NRXN1: variants seen among roughly 807,000 people sequenced by gnomAD.
NRXN1 encodes the protein neurexin-1.
A neutral mutation model predicts 150.9 loss-of-function variants in NRXN1; 39 were observed. That is an observed-to-expected ratio of 0.26 (90% confidence interval 0.20 to 0.34). The LOEUF (loss-of-function observed/expected upper bound fraction) is 0.34, where lower values mean the gene tolerates loss of function less well. Ranked by LOEUF, NRXN1 falls within the 10% of genes least tolerant of loss-of-function variation. The pLI is 1.00. For synonymous variants in NRXN1, 924 were observed against 757.0 expected, an observed-to-expected ratio of 1.22 and a Z score of -3.62; for missense variants, 1,815 against 1,949.9, an observed-to-expected ratio of 0.93 and a Z score of 1.30.
chr2:50,352,366 C>A (rs2078473045), intron 17 of NRXN1, among the ~76,000 whole-genome samples: 1 of 152,112 alleles, frequency 6.6e-6, no homozygotes, highest in Non-Finnish European at 1.5e-5. Context: ...CAGACACTTT[C>A]ATTCTTTTCA....
At chr2:50,669,871 A>G (rs1051730585) in intron 5 of NRXN1, among the ~76,000 whole-genome samples, 5 of 134,458 alleles carry the variant, frequency 3.7e-5, no homozygotes, top group Non-Finnish European at 6.3e-5. Flanking sequence ...TCCAAAAACA[A>G]CAACAAAAAA....
intron 18 of NRXN1, among the ~76,000 whole-genome samples, chr2:50,218,648 C>T (rs1055687948): frequency 3.3e-5 from 5 of 151,876 alleles, no homozygotes; most frequent in Non-Finnish European, 5.9e-5. Context: ...AAACTTTCAG[C>T]AAGGCCATAG....
At chr2:49,985,503 T>C (rs1034133025) in intron 21 of NRXN1, among the ~76,000 whole-genome samples, 2 of 152,206 alleles carry the variant, frequency 1.3e-5, no homozygotes, top group Non-Finnish European at 2.9e-5. Flanking sequence ...TTGTACTCTT[T>C]AGAAAATGTT....
At chr2:50,588,356 A>C (rs950435497) in intron 8 of NRXN1, among the ~76,000 whole-genome samples, 4 of 152,180 alleles carry the variant, frequency 2.6e-5, no homozygotes, top group African/African-American at 9.6e-5. Context: ...TAACTGTGAC[A>C]CTGGGTCTTT....
At chr2:50,434,495 T>C (rs570466512) in intron 17 of NRXN1, among the ~76,000 whole-genome samples, 1 of 152,156 alleles carries the variant, frequency 6.6e-6, no homozygotes, top group East Asian at 1.9e-4. Flanking sequence ...CTGAATAAGG[T>C]TTCCTGAAAG....
At chr2:50,448,318 C>A (rs1392266026) in intron 17 of NRXN1, among the ~76,000 whole-genome samples, 1 of 152,150 alleles carries the variant, frequency 6.6e-6, no homozygotes, top group Non-Finnish European at 1.5e-5. Context: ...ATCTCACTTT[C>A]TCCCTCCAAT....
chr2:50,245,350 C>A (rs1276845785), intron 17 of NRXN1, among the ~76,000 whole-genome samples: 1 of 151,838 alleles, frequency 6.6e-6, no homozygotes, highest in Non-Finnish European at 1.5e-5. Context: ...AAAAATAAAA[C>A]AAAGCAAAGT....
At chr2:50,536,051 C>T (rs1056305069) in intron 10 of NRXN1, among the ~76,000 whole-genome samples, 5 of 152,062 alleles carry the variant, frequency 3.3e-5, no homozygotes, top group African/African-American at 1.2e-4. Flanking sequence ...TGTCAAAGCC[C>T]CCTGTTTTAA....
At chr2:50,744,839 T>A (rs1699829987) in intron 5 of NRXN1, among the ~76,000 whole-genome samples, 1 of 152,190 alleles carries the variant, frequency 6.6e-6, no homozygotes, top group Non-Finnish European at 1.5e-5. Flanking sequence ...AAAAGTAGCA[T>A]GGAGTAGTAT....
At chr2:50,389,239 A>G (rs1184898299) in intron 17 of NRXN1, among the ~76,000 whole-genome samples, 4 of 150,920 alleles carry the variant, frequency 2.7e-5, no homozygotes, top group African/African-American at 9.8e-5. Flanking sequence ...AAATGGTGAT[A>G]AACAGACAGA....
intron 5 of NRXN1, among the ~76,000 whole-genome samples, chr2:50,845,451 C>T (rs1673501167): frequency 6.6e-6 from 1 of 152,212 alleles, no homozygotes; most frequent in East Asian, 1.9e-4. Flanking sequence ...TCCCTGACCA[C>T]ACAAACTAAA....
At chr2:50,817,781 A>T (rs1405385883) in intron 5 of NRXN1, among the ~76,000 whole-genome samples, 1 of 152,086 alleles carries the variant, frequency 6.6e-6, no homozygotes, top group Non-Finnish European at 1.5e-5. Flanking sequence ...GGGGTAAAAA[A>T]GTATTTTACT....
Position 50,312,343 on chromosome 2 carries a change from G to A in NRXN1, c.3365-75373C>T, listed in dbSNP as rs150941607. The stretch of plus-strand genomic sequence containing the variant: ...TGGAGGACAGTCATAGTATGCAGGG[G>A]TTAAAAAAAGAAAACAATTTTGCAG... On this transcript the variant is annotated intron_variant, in intron 17 of 22. Transcript: ENST00000401669. Among the ~76,000 whole-genome samples the A allele has an allele frequency of 4.1e-3, 629 of 151,820 alleles. 6 individuals are homozygous for A. Among genetic ancestry groups the A allele is most frequent in the African/African-American group, 0.014 (592 of 41,448 alleles).
intron 17 of NRXN1, among the ~76,000 whole-genome samples, chr2:50,339,456 T>C (rs575243032): frequency 2.3e-4 from 35 of 152,266 alleles, no homozygotes; most frequent in African/African-American, 3.8e-4. Flanking sequence ...AGAAAGTTCA[T>C]AGAAAACAAC....
chr2:50,596,098 A>G (rs1675156590), intron 8 of NRXN1, among the ~76,000 whole-genome samples: 1 of 152,156 alleles, frequency 6.6e-6, no homozygotes, highest in South Asian at 2.1e-4. Flanking sequence ...GCTTCTCCTC[A>G]GCCTTTTACT....
At chr2:50,866,955 A>G (rs751478685) in intron 5 of NRXN1, among the ~76,000 whole-genome samples, 2 of 151,954 alleles carry the variant, frequency 1.3e-5, no homozygotes, top group Non-Finnish European at 1.5e-5. Context: ...GTCTGTTTCC[A>G]TAATACTCTC....
chr2:50,286,904 A>C (rs1277449205), intron 17 of NRXN1, among the ~76,000 whole-genome samples: 2 of 152,088 alleles, frequency 1.3e-5, no homozygotes, highest in Admixed American at 6.6e-5. Flanking sequence ...TAATAATACC[A>C]TTGCTGCTGC....
chr2:50,872,506 T>G (rs560777330), intron 5 of NRXN1, among the ~76,000 whole-genome samples: 1 of 151,648 alleles, frequency 6.6e-6, no homozygotes, highest in Admixed American at 6.6e-5. Flanking sequence ...AATAGCAGAG[T>G]AATGTTTGGG....
chr2:50,119,438 T>C lies in NRXN1; in HGVS notation c.3547-27944A>G, dbSNP rs1259873631. ...CTAAAATGTCCTAAAAGAAATAAAA[T>C]TGCAAGTTTTCCTTTGTCTTTCATC... is the stretch of plus-strand genomic sequence containing the variant. On this transcript the variant is annotated intron_variant, in intron 18 of 22. Transcript: ENST00000401669. Among the ~76,000 whole-genome samples, 4 of 152,000 alleles carry C rather than the reference T, an allele frequency of 2.6e-5. No homozygotes were observed. In the East Asian group the frequency reaches 7.7e-4, roughly 29 times the overall value.
Sources: gnomAD v4.1 joint callset for allele counts (sites outside exome capture counted in the v4.1 genomes callset) on GRCh38, gnomAD v4.1.1 for gene constraint, MANE v1.5 for transcripts, NCBI Gene and HGNC (gene_info 2026-07-23, HGNC 2026-07-21) for gene names.